MARCHF1: variants seen among roughly 807,000 people sequenced by gnomAD.
MARCHF1 encodes membrane associated ring-CH-type finger 1.
Under a neutral mutation model 54.2 loss-of-function variants are expected in MARCHF1, and 40 were observed. The observed-to-expected ratio is 0.74, with a 90% confidence interval of 0.57 to 0.96. MARCHF1 has a LOEUF of 0.96. Among genes scored for constraint, MARCHF1 ranks in the 40% least tolerant of loss-of-function variants. MARCHF1 has a pLI of 0.00. For missense variants in MARCHF1, 586 were observed against 656.5 expected (o/e 0.89, Z 1.17); for synonymous variants, 236 against 236.3 (o/e 1.00, Z 0.01).
intron 1 of MARCHF1, among the ~76,000 whole-genome samples, chr4:164,164,523 G>C (rs1730321682): frequency 6.6e-6 from 1 of 151,990 alleles, no homozygotes; most frequent in African/African-American, 2.4e-5. Context: ...AAAACTTCTA[G>C]CCGTATTCAG....
intron 2 of MARCHF1, among the ~76,000 whole-genome samples, chr4:164,007,616 C>T (rs1395810212): frequency 1.3e-5 from 2 of 148,436 alleles, no homozygotes; most frequent in East Asian, 2.0e-4. Flanking sequence ...ATAAAGTTAA[C>T]ATGTAGAATT....
chr4:163,808,314 A>G (rs1748283821), intron 4 of MARCHF1, among the ~76,000 whole-genome samples: 1 of 152,198 alleles, frequency 6.6e-6, no homozygotes, highest in Admixed American at 6.5e-5. Context: ...CAAGTACACA[A>G]CTGGCAGGCC....
intron 4 of MARCHF1, among the ~76,000 whole-genome samples, chr4:163,756,917 A>G (rs1045295429): frequency 1.8e-4 from 27 of 151,902 alleles, no homozygotes; most frequent in African/African-American, 6.3e-4. Flanking sequence ...AGAAATGGAT[A>G]TATTTTTTCA....
intron 4 of MARCHF1, among the ~76,000 whole-genome samples, chr4:163,818,502 A>C (rs1262439913): frequency 6.6e-6 from 1 of 152,148 alleles, no homozygotes; most frequent in East Asian, 1.9e-4. Flanking sequence ...TCATTTTATA[A>C]AGTTGAAATT....
At chr4:163,879,804 C>CGTGTGTGTGTGTGTGTGTGTGTGTGT (rs60539215) in intron 3 of MARCHF1, among the ~76,000 whole-genome samples, 1 of 148,378 alleles carries the variant, frequency 6.7e-6, no homozygotes, top group Non-Finnish European at 1.5e-5. Flanking sequence ...GATTTAGAGG[C>CGTGTGTGTGTGTGTGTGTGTGTGTGT]GTGTGTGTGT....
intron 2 of MARCHF1, among the ~76,000 whole-genome samples, chr4:164,017,201 T>C (rs1271125420): frequency 1.3e-5 from 2 of 152,044 alleles, no homozygotes; most frequent in Non-Finnish European, 2.9e-5. Context: ...AGGATATTTA[T>C]GAAAAACATC....
intron 1 of MARCHF1, among the ~76,000 whole-genome samples, chr4:164,261,241 T>G (rs994745800): frequency 2.6e-5 from 4 of 152,152 alleles, no homozygotes; most frequent in Non-Finnish European, 4.4e-5. Context: ...TTCTGTTGCT[T>G]AAGTTACCCA....
chr4:163,877,663 C>G (rs1579359604), intron 3 of MARCHF1, among the ~76,000 whole-genome samples: 1 of 152,136 alleles, frequency 6.6e-6, no homozygotes, highest in Non-Finnish European at 1.5e-5. Context: ...GACCTTTCTT[C>G]TCTGCATCTT....
At chr4:164,244,333 T>C (rs575359789) in intron 1 of MARCHF1, among the ~76,000 whole-genome samples, 429 of 152,226 alleles carry the variant, frequency 2.8e-3, no homozygotes, top group Non-Finnish European at 4.2e-3. Flanking sequence ...ACATGGAAAC[T>C]GAACAACCTG....
intron 1 of MARCHF1, chr4:164,188,440 G>T: frequency 1.6e-6 from 1 of 618,524 alleles, no homozygotes; most frequent in Non-Finnish European, 3.0e-6. Context: ...CGTGGTTCGA[G>T]GACAAGGAGG....
intron 5 of MARCHF1, among the ~76,000 whole-genome samples, chr4:163,687,166 G>A (rs1398772649): frequency 6.6e-6 from 1 of 151,788 alleles, no homozygotes; most frequent in Non-Finnish European, 1.5e-5. Context: ...ATGGAACTGT[G>A]ATCATCGAGT....
intron 2 of MARCHF1, among the ~76,000 whole-genome samples, chr4:164,024,013 A>C (rs1753719047): frequency 6.6e-6 from 1 of 152,194 alleles, no homozygotes; most frequent in African/African-American, 2.4e-5. Context: ...CACTTCTTTA[A>C]ATAAAGTCAG....
chr4:163,629,769 C>T (rs927123876), intron 5 of MARCHF1, among the ~76,000 whole-genome samples: 6 of 152,104 alleles, frequency 3.9e-5, no homozygotes, highest in African/African-American at 1.2e-4. Flanking sequence ...CACCGTGGCA[C>T]GTGTATAGCT....
chr4:163,835,296 C>T (rs144342423), intron 4 of MARCHF1, among the ~76,000 whole-genome samples: 9 of 152,262 alleles, frequency 5.9e-5, no homozygotes, highest in South Asian at 2.1e-4. Context: ...AGACCACATT[C>T]GTGGTTCTTA....
chr4:164,312,620 C>T (rs532230817), intron 1 of MARCHF1, among the ~76,000 whole-genome samples: 1 of 152,020 alleles, frequency 6.6e-6, no homozygotes, highest in South Asian at 2.1e-4. Flanking sequence ...CGCACCCGGC[C>T]GAATTATTTT....
chr4:163,919,292 A>G (rs1315452222), intron 3 of MARCHF1, among the ~76,000 whole-genome samples: 1 of 152,130 alleles, frequency 6.6e-6, no homozygotes, highest in East Asian at 1.9e-4. Flanking sequence ...AGGTATTTCA[A>G]TAAGAGTGAG....
chr4:163,770,590 A>G (rs1365025414), intron 4 of MARCHF1, among the ~76,000 whole-genome samples: 1 of 150,500 alleles, frequency 6.6e-6, no homozygotes, highest in Non-Finnish European at 1.5e-5. Flanking sequence ...ACCCACATGC[A>G]CTCACGTAAT....
intron 1 of MARCHF1, among the ~76,000 whole-genome samples, chr4:164,305,925 C>A (rs1734684168): frequency 6.6e-6 from 1 of 152,044 alleles, no homozygotes; most frequent in Non-Finnish European, 1.5e-5. Flanking sequence ...GGAAAAGTCA[C>A]ACAAAAGAAT....
chr4:163,928,941 A>T (rs1751596308), intron 3 of MARCHF1, among the ~76,000 whole-genome samples: 1 of 151,876 alleles, frequency 6.6e-6, no homozygotes, highest in Non-Finnish European at 1.5e-5. Flanking sequence ...GACAAAGGGG[A>T]AAAAATAAGA....
Sources: gnomAD v4.1 joint callset for allele counts (sites outside exome capture counted in the v4.1 genomes callset) on GRCh38, gnomAD v4.1.1 for gene constraint, MANE v1.5 for transcripts, NCBI Gene and HGNC (gene_info 2026-07-23, HGNC 2026-07-21) for gene names.